GPC5: variants seen among roughly 807,000 people sequenced by gnomAD.
GPC5 encodes the protein glypican-5.
GPC5 carries 47 observed loss-of-function variants against 53.9 expected under a neutral mutation model. The observed-to-expected ratio is 0.87, with a 90% CI of 0.69 to 1.11. The LOEUF (loss-of-function observed/expected upper bound fraction) is 1.11, where lower values mean the gene tolerates loss of function less well. Among genes scored for constraint, GPC5 ranks in the 50% most tolerant of loss-of-function variants. GPC5 has a pLI of 0.00. For synonymous variants in GPC5, 286 were observed against 263.3 expected (o/e 1.09, Z -0.84); for missense variants, 748 against 713.1 (o/e 1.05, Z -0.56).
chr13:91,999,058 T>A (rs1566386420), intron 6 of GPC5, among the ~76,000 whole-genome samples: 1 of 152,190 alleles, frequency 6.6e-6, no homozygotes, highest in Non-Finnish European at 1.5e-5. Flanking sequence ...TTAAATCCTT[T>A]CTCTTTAACC....
chr13:92,349,803 C>T (rs778882756), intron 7 of GPC5, among the ~76,000 whole-genome samples: 3 of 152,068 alleles, frequency 2.0e-5, no homozygotes, highest in Non-Finnish European at 2.9e-5. Context: ...TTGAATTCTA[C>T]CTATTTTTTA....
At chr13:92,775,811 C>T (rs1033916855) in intron 7 of GPC5, among the ~76,000 whole-genome samples, 6 of 152,190 alleles carry the variant, frequency 3.9e-5, no homozygotes, top group African/African-American at 9.7e-5. Context: ...TCATTGACAA[C>T]GGTCTTAAAT....
chr13:91,974,885 G>C (rs919655428), intron 6 of GPC5, among the ~76,000 whole-genome samples: 4 of 152,166 alleles, frequency 2.6e-5, no homozygotes, highest in African/African-American at 9.7e-5. Flanking sequence ...CAAGGCTACA[G>C]TAACCAAAAC....
intron 7 of GPC5, among the ~76,000 whole-genome samples, chr13:92,166,000 G>T (rs904826992): frequency 6.6e-6 from 1 of 152,112 alleles, no homozygotes; most frequent in Non-Finnish European, 1.5e-5. Context: ...TGCAGATTGT[G>T]TATAAAAAAC....
intron 7 of GPC5, among the ~76,000 whole-genome samples, chr13:92,693,384 T>C (rs1041567132): frequency 1.3e-5 from 2 of 152,082 alleles, no homozygotes; most frequent in Non-Finnish European, 2.9e-5. Context: ...CCTAGAGACT[T>C]GTTGGATGGT....
intron 4 of GPC5, among the ~76,000 whole-genome samples, chr13:91,733,653 G>A (rs1222446329): frequency 1.3e-5 from 2 of 152,164 alleles, no homozygotes; most frequent in African/African-American, 4.8e-5. Flanking sequence ...TTATAGGAAT[G>A]CTTGTGATTT....
chr13:92,613,867 C>A (rs1275026024), intron 7 of GPC5, among the ~76,000 whole-genome samples: 5 of 150,970 alleles, frequency 3.3e-5, no homozygotes, highest in Admixed American at 1.3e-4. Flanking sequence ...TAAAAAAATT[C>A]TTTTAAAATA....
rs992436124 is a variant in GPC5, at chr13:91,753,188, C to T, written c.1155-3107C>T. ...CTGGACCGTAGAGACAGTTAAGAAA[C>T]AATAAGGCCTGATTAATCCGTATAT... is the stretch of plus-strand genomic sequence containing the variant. On this transcript the variant is annotated intron_variant, in intron 4 of 7. Transcript: ENST00000377067. Among the ~76,000 whole-genome samples, 62 of 152,098 alleles carry T rather than the reference C, an allele frequency of 4.1e-4. 2 individuals are homozygous for T. The highest frequency in any genetic ancestry group is 6.2e-4 in the South Asian group (3 of 4,830).
chr13:92,002,924 C>T (rs9515999), intron 6 of GPC5, among the ~76,000 whole-genome samples: 151,038 of 152,312 alleles, frequency 0.99, 74,905 homozygotes, highest in Middle Eastern at 1. Context: ...TATGTTGTTA[C>T]TTAGAAACAA....
intron 4 of GPC5, among the ~76,000 whole-genome samples, chr13:91,747,156 A>T (rs989651684): frequency 6.6e-6 from 1 of 152,242 alleles, no homozygotes; most frequent in East Asian, 1.9e-4. Flanking sequence ...TATTACTTTT[A>T]TAATTAAACA....
chr13:92,303,571 G>A (rs2043089834), intron 7 of GPC5, among the ~76,000 whole-genome samples: 1 of 152,076 alleles, frequency 6.6e-6, no homozygotes, highest in Non-Finnish European at 1.5e-5. Context: ...AACAAGGAAG[G>A]AATCTAGGAA....
intron 7 of GPC5, among the ~76,000 whole-genome samples, chr13:92,833,804 AG>A (rs1250663964): frequency 1.3e-5 from 2 of 152,236 alleles, no homozygotes; most frequent in Non-Finnish European, 2.9e-5. Flanking sequence ...TTCCAAGCAC[AG>A]GGAATAGCAT....
intron 7 of GPC5, among the ~76,000 whole-genome samples, chr13:92,784,092 T>C (rs1434653356): frequency 2.0e-5 from 3 of 152,162 alleles, no homozygotes; most frequent in Admixed American, 2.0e-4. Flanking sequence ...AAGAGAGTGT[T>C]TCATGGGAAA....
In GPC5 at chr13:91,697,508, T is replaced by C. The variant is rs57645102; in HGVS notation, c.1020+3627T>C. Among the ~76,000 whole-genome samples, 595 of 146,658 alleles carry C rather than the reference T, an allele frequency of 4.1e-3. 4 individuals carry two copies. The highest frequency in any genetic ancestry group is 0.013 in the African/African-American group (531 of 39,688). ...TTAGGGGTGTAGAGCTCAAAAAATATTTTAAATAATCATTTAATTAAACAA... is the reference window on the plus strand; with the variant it reads ...TTAGGGGTGTAGAGCTCAAAAAATACTTTAAATAATCATTTAATTAAACAA... On this transcript the variant is annotated intron_variant, in intron 3 of 7. Transcript: ENST00000377067.
chr13:92,437,481 T>A (rs1404663971), intron 7 of GPC5, among the ~76,000 whole-genome samples: 1 of 152,142 alleles, frequency 6.6e-6, no homozygotes. Context: ...ATACACATTA[T>A]ACCTTAAGAA....
At chr13:91,596,465 T>C (rs2032998383) in intron 2 of GPC5, among the ~76,000 whole-genome samples, 1 of 152,236 alleles carries the variant, frequency 6.6e-6, no homozygotes, top group Admixed American at 6.5e-5. Context: ...CAATTCTGCA[T>C]TGGCTTTGAC....
At chr13:92,549,659 G>T (rs1455606901) in intron 7 of GPC5, among the ~76,000 whole-genome samples, 1 of 151,952 alleles carries the variant, frequency 6.6e-6, no homozygotes, top group Admixed American at 6.6e-5. Context: ...CCTCCTTCAA[G>T]AAAAATAACA....
chr13:92,456,643 G>T (rs1217087497), intron 7 of GPC5, among the ~76,000 whole-genome samples: 1 of 152,136 alleles, frequency 6.6e-6, no homozygotes, highest in African/African-American at 2.4e-5. Flanking sequence ...TCTCTGTGCA[G>T]CTGCTCAGAC....
intron 6 of GPC5, among the ~76,000 whole-genome samples, chr13:91,939,297 G>C (rs998133196): frequency 1.3e-5 from 2 of 152,050 alleles, no homozygotes; most frequent in African/African-American, 4.8e-5. Flanking sequence ...TGAACTAAAG[G>C]CTGCTTAAAA....
Sources: allele counts gnomAD v4.1 joint callset (sites outside exome capture counted in the v4.1 genomes callset), GRCh38; gene constraint gnomAD v4.1.1; transcripts MANE v1.5; gene names NCBI Gene and HGNC (gene_info 2026-07-23, HGNC 2026-07-21).